EFTUD2: variants seen among roughly 807,000 people sequenced by gnomAD.
EFTUD2 encodes elongation factor Tu GTP binding domain containing 2, also known as 116 kDa U5 small nuclear ribonucleoprotein component.
A neutral mutation model predicts 114.3 loss-of-function variants in EFTUD2; 9 were observed. That is an observed-to-expected ratio of 0.08 (90% CI 0.05 to 0.14). The LOEUF is 0.14. Ranked by LOEUF, EFTUD2 falls within the 10% of genes least tolerant of loss-of-function variation. EFTUD2 has a pLI of 1.00. For missense variants in EFTUD2, 765 were observed against 1,241.2 expected, an observed-to-expected ratio of 0.62 and a Z score of 5.76; for synonymous variants, 449 against 462.3, an observed-to-expected ratio of 0.97 and a Z score of 0.37.
At chr17:44,887,530 C>G (rs947584940) in intron 2 of EFTUD2, among the ~76,000 whole-genome samples, 1 of 152,154 alleles carries the variant, frequency 6.6e-6, no homozygotes, top group Non-Finnish European at 1.5e-5. Flanking sequence ...ATACATGCTA[C>G]AGCGTAGATA....
At chr17:44,890,070 C>G (rs1283295082) in intron 2 of EFTUD2, among the ~76,000 whole-genome samples, 1 of 152,034 alleles carries the variant, frequency 6.6e-6, no homozygotes, top group African/African-American at 2.4e-5. Flanking sequence ...TGCAGTGGCG[C>G]GATCTCAGCT....
Position 44,851,187 on chromosome 17 carries a change from C to T in EFTUD2, c.*87G>A, listed in dbSNP as rs754799141. 1.2e-5 allele frequency: 13 copies of T among 1,110,384 alleles called. No individual in the cohort carries two copies. The highest frequency in any genetic ancestry group is 3.4e-5 in the Admixed American group (2 of 58,682). 68.8% of individuals were successfully genotyped at this position (1,110,384 alleles called of 1,614,324 possible). A position where few individuals can be genotyped will look rare whatever the true frequency, so the allele number is the denominator to read the frequency against. The stretch of plus-strand genomic sequence containing the variant: ...AGCTTCCAGACACTCTCTGACAACA[C>T]GAAGGCCACGTCATATGAGGTCTCA... On this transcript the variant is annotated 3_prime_UTR_variant, in exon 28 of 28. Transcript: ENST00000426333.
intron 15 of EFTUD2, 127 bp downstream of exon 15, chr17:44,863,528 G>A (rs1161097136): frequency 7.3e-7 from 1 of 1,371,804 alleles, no homozygotes. Context: ...ATTCAGGCCT[G>A]ACTGTGCTCA....
chr17:44,886,808 C>T, intron 2 of EFTUD2, 58 bp from the exon 3 acceptor site: 1 of 1,554,440 alleles, frequency 6.4e-7, no homozygotes, highest in East Asian at 2.4e-5. Flanking sequence ...TGTTTGATAT[C>T]TGACTACCTC....
At chr17:44,871,438 C>CA (rs1172096146) in intron 11 of EFTUD2, among the ~76,000 whole-genome samples, 1 of 151,806 alleles carries the variant, frequency 6.6e-6, no homozygotes, top group Non-Finnish European at 1.5e-5. Flanking sequence ...CTCCTGGGTT[C>CA]ACGCCATTTT....
chr17:44,871,614 C>T (rs1422793042), intron 11 of EFTUD2, among the ~76,000 whole-genome samples: 1 of 152,230 alleles, frequency 6.6e-6, no homozygotes, highest in African/African-American at 2.4e-5. Flanking sequence ...GCTGGGATTA[C>T]AGGCGTGAGC....
intron 26 of EFTUD2, 72 bp downstream of exon 26, chr17:44,852,337 G>A: frequency 1.3e-6 from 2 of 1,585,296 alleles, no homozygotes; most frequent in Non-Finnish European, 8.6e-7. Flanking sequence ...GCTTGGAGAG[G>A]GATCAGGACA....
intron 14 of EFTUD2, chr17:44,864,042 T>G: frequency 5.9e-6 from 2 of 340,274 alleles, no homozygotes; most frequent in Non-Finnish European, 5.4e-6. Context: ...TGACAAAAAG[T>G]TTAAAGTACA....
chr17:44,897,388 C>T (rs2051409524), intron 1 of EFTUD2, among the ~76,000 whole-genome samples: 1 of 152,014 alleles, frequency 6.6e-6, no homozygotes, highest in Non-Finnish European at 1.5e-5. Context: ...CAAAAAGTGG[C>T]AAGAACAGTA....
chr17:44,862,157 G>C (rs574345593), intron 16 of EFTUD2, among the ~76,000 whole-genome samples: 1 of 152,328 alleles, frequency 6.6e-6, no homozygotes, highest in East Asian at 1.9e-4. Flanking sequence ...CTTTAAGATG[G>C]TGTGTGGTGG....
chr17:44,853,773 G>A, intron 23 of EFTUD2, 138 bp from the exon 24 acceptor site: 1 of 1,486,854 alleles, frequency 6.7e-7, no homozygotes, highest in Non-Finnish European at 9.0e-7. Context: ...ATGGGAGGTG[G>A]GCGTTCTAAC....
intron 1 of EFTUD2, among the ~76,000 whole-genome samples, chr17:44,897,040 C>A (rs2051399047): frequency 6.6e-6 from 1 of 151,940 alleles, no homozygotes; most frequent in Non-Finnish European, 1.5e-5. Flanking sequence ...CACGGTGAAA[C>A]CCTGTCTCTA....
Position 44,886,767 on chromosome 17 carries a change from G to A in EFTUD2, c.106-17C>T, listed in dbSNP as rs190562796. ...ATCATCCATCTGAAAGCAAGAGGGA[G>A]AGGGAGAATCGAAGAGGCACACGCT... On this transcript the variant is annotated splice_polypyrimidine_tract_variant and intron_variant, in intron 2 of 27. Transcript: ENST00000426333. The A allele has an allele frequency of 3.1e-4, 493 of 1,609,464 alleles. 3 individuals are homozygous for A. The Admixed American group carries it at 8.2e-3, about 27-fold the overall frequency.
intron 11 of EFTUD2, among the ~76,000 whole-genome samples, chr17:44,871,368 C>A (rs1443224059): frequency 2.7e-5 from 4 of 146,732 alleles, no homozygotes; most frequent in Admixed American, 6.9e-5. Flanking sequence ...GAGATGGAGT[C>A]TTGCTCTGTC....
chr17:44,864,535 T>C (rs2050711683), intron 14 of EFTUD2, among the ~76,000 whole-genome samples: 1 of 152,156 alleles, frequency 6.6e-6, no homozygotes, highest in African/African-American at 2.4e-5. Flanking sequence ...CCAGTGTCTT[T>C]CTGCTGTATC....
chr17:44,894,198 T>A, intron 2 of EFTUD2: 1 of 471,048 alleles, frequency 2.1e-6, no homozygotes, highest in Non-Finnish European at 3.8e-6. Flanking sequence ...CAATGTTTCA[T>A]CTCCACGAAA....
chr17:44,888,820 C>A (rs1184657701), intron 2 of EFTUD2, among the ~76,000 whole-genome samples: 1 of 152,110 alleles, frequency 6.6e-6, no homozygotes, highest in Non-Finnish European at 1.5e-5. Context: ...GAGTTAACGC[C>A]AGGCTTGAGA....
In EFTUD2 at chr17:44,859,075, T is replaced by C; in HGVS notation, c.1962+5A>G. On this transcript the variant is annotated splice_donor_5th_base_variant and intron_variant, in intron 19 of 27. Transcript: ENST00000426333. ...GAACCCAGCTCCCGGCAGATACTGC[T>C]GTACCTTGATGTCTATCTCTGAGTA... is the stretch of plus-strand genomic sequence containing the variant. 1 of 1,600,268 alleles carries C rather than the reference T, an allele frequency of 6.2e-7. No individual in the cohort carries two copies. Among genetic ancestry groups the C allele is most frequent in the Non-Finnish European group, 8.6e-7 (1 of 1,167,372 alleles).
intron 1 of EFTUD2, among the ~76,000 whole-genome samples, chr17:44,896,664 T>C (rs2051390921): frequency 6.6e-6 from 1 of 151,658 alleles, no homozygotes; most frequent in South Asian, 2.1e-4. Flanking sequence ...ATAAACAAAA[T>C]AAATAAACAA....
Sources: gnomAD v4.1 joint callset for allele counts (sites outside exome capture counted in the v4.1 genomes callset) on GRCh38, gnomAD v4.1.1 for gene constraint, MANE v1.5 for transcripts, NCBI Gene and HGNC (gene_info 2026-07-23, HGNC 2026-07-21) for gene names.